The following ZNF70 variants were observed in gnomAD, a reference collection of about 807,000 sequenced individuals.
ZNF70 encodes zinc finger protein N27C7-1.
ZNF70 carries 18 observed loss-of-function variants against 37.7 expected under a neutral mutation model. That is an observed-to-expected ratio of 0.48 (90% CI 0.33 to 0.71). The LOEUF (loss-of-function observed/expected upper bound fraction) is 0.71, where lower values mean the gene tolerates loss of function less well. Among genes scored for constraint, ZNF70 ranks in the 30% least tolerant of loss-of-function variants. The probability of loss-of-function intolerance (pLI) is 0.02; values close to 1 mark genes in which losing one functional copy is unlikely to be tolerated. For synonymous variants in ZNF70, 219 were observed against 220.1 expected, an observed-to-expected ratio of 0.99 and a Z score of 0.05; for missense variants, 506 against 568.6, an observed-to-expected ratio of 0.89 and a Z score of 1.12.
Position 23,744,099 on chromosome 22 carries a change from T to A in ZNF70, c.1042A>T (p.Ser348Cys), listed in dbSNP as rs1252874199. Residue 348 changes from serine to cysteine, a missense_variant, in exon 2 of 2, where the codon AGC (serine) becomes TGC (cysteine). Transcript: ENST00000341976. ...CGCTGGTGCTCAATGAGGGAGGAGC[T>A]CTGGCTGAAGGCTTTCCCACACTTC... ...CQKCGKAFSQ[S>C]SSLIEHQRIH... 6.2e-7 allele frequency: 1 copy of A among 1,613,974 alleles called. No homozygotes were observed. The highest frequency in any genetic ancestry group is 1.7e-5 in the Admixed American group (1 of 59,988).
At position 23,744,649 on chromosome 22, in the gene ZNF70, C is replaced by T. The variant is rs981551023; in HGVS notation, c.492G>A (p.Gly164=). ...HLLRHLVIHT[G]EKPYECCECG... ...ACTCACAGCACTCATAGGGCTTCTC[C>T]CCAGTGTGGATCACCAGGTGTCGGA... Residue 164 remains glycine, a synonymous_variant, in exon 2 of 2, where the codon GGG becomes GGA. Coordinates refer to ENST00000341976, the MANE Select transcript of ZNF70 (RefSeq NM_021916.4). The T allele has an allele frequency of 1.2e-6, 2 of 1,613,530 alleles. No homozygotes were observed. Among genetic ancestry groups the T allele is most frequent in the Non-Finnish European group, 1.7e-6 (2 of 1,179,812 alleles).
At position 23,742,379 on chromosome 22, in the gene ZNF70, G is replaced by A. The variant is rs1435423504; in HGVS notation, c.*1421C>T. 1 of 152,296 alleles carries A rather than the reference G, an allele frequency of 6.6e-6. No homozygotes were observed. The highest frequency in any genetic ancestry group is 1.5e-5 in the Non-Finnish European group (1 of 68,090). 9.4% of individuals were successfully genotyped at this position (152,296 alleles called of 1,614,324 possible). A position where few individuals can be genotyped will look rare whatever the true frequency, so the allele number is the denominator to read the frequency against. ...CAGGTGGGACACAAGCAATGGTACT[G>A]TTTAAACAAGCCCCACGTGAACTCC... On this transcript the variant is annotated 3_prime_UTR_variant, in exon 2 of 2. Coordinates refer to ENST00000341976, the MANE Select transcript of ZNF70 (RefSeq NM_021916.4).
chr22:23,745,498 G>A (rs192330694), intron 1 of ZNF70, among the ~76,000 whole-genome samples: 137 of 152,084 alleles, frequency 9.0e-4, no homozygotes, highest in Non-Finnish European at 1.3e-4. Context: ...GGCTGGGTGC[G>A]GTGGCTCACA....
In ZNF70 at chr22:23,739,050, A is replaced by G. The variant is rs960153057; in HGVS notation, c.*4750T>C. 2 of 152,204 alleles carry G rather than the reference A, an allele frequency of 1.3e-5. No individual in the cohort carries two copies. The highest frequency in any genetic ancestry group is 4.8e-5 in the African/African-American group (2 of 41,452). 9.4% of individuals were successfully genotyped at this position (152,204 alleles called of 1,614,324 possible). On this transcript the variant is annotated 3_prime_UTR_variant, in exon 2 of 2. Transcript: ENST00000341976. ...CCCCAGATTAAGAACTCTAAAGTAA[A>G]TGAAAGTCAGAGAAAATATGGATTT... is the stretch of plus-strand genomic sequence containing the variant.
chr22:23,750,339 G>C (rs1925281841), intron 1 of ZNF70, among the ~76,000 whole-genome samples: 1 of 152,100 alleles, frequency 6.6e-6, no homozygotes, highest in African/African-American at 2.4e-5. Context: ...TTAAAACTCA[G>C]TAGGTTTCTG....
intron 1 of ZNF70, among the ~76,000 whole-genome samples, 185 bp downstream of exon 1, chr22:23,750,526 G>A (rs767300138): frequency 1.9e-4 from 28 of 151,348 alleles, no homozygotes; most frequent in Non-Finnish European, 3.7e-4. Flanking sequence ...CTCTTCCTCC[G>A]CCCACCCATT....
chr22:23,748,827 G>A (rs1170283562), intron 1 of ZNF70, among the ~76,000 whole-genome samples: 8 of 151,982 alleles, frequency 5.3e-5, no homozygotes, highest in Non-Finnish European at 1.2e-4. Context: ...TTACAGGTGT[G>A]AGCCACCACG....
Position 23,744,807 on chromosome 22 carries a change from G to A in ZNF70, c.334C>T (p.Pro112Ser). Residue 112 changes from proline (P) to serine (S), a missense_variant, in exon 2 of 2, where the codon CCC (proline) becomes TCC (serine). Physicochemically the swap from Pro to Ser is moderately conservative, Grantham distance 74. Transcript: ENST00000341976. ...GTTTCTGCACAATCGCATGGACTGGGCTCTTCACTGTGGATTATCTGACAC... is the reference window on the plus strand; with the variant it reads ...GTTTCTGCACAATCGCATGGACTGGACTCTTCACTGTGGATTATCTGACAC... ...SMCQIIHSEE[P>S]SPCDCAETDR... 1.2e-6 allele frequency: 2 copies of A among 1,614,208 alleles called. No homozygotes were observed. Among genetic ancestry groups the A allele is most frequent in the Middle Eastern group, 3.3e-4 (2 of 6,062 alleles).
rs1375931101 is a variant in ZNF70 at position 23,745,118 on chromosome 22, T to G, written c.23A>C (p.Lys8Thr). The change falls in exon 2 of 2, where the codon AAG becomes ACG. Residue 8 changes from lysine to threonine, a missense_variant. By Grantham distance (78) the Lys-to-Thr change is moderately conservative. Coordinates refer to ENST00000341976, the MANE Select transcript of ZNF70 (RefSeq NM_021916.4). MEVPPAT[K>T]FGETFAFENR... is the part of the protein sequence containing the mutation. ...CTCAAATGCAAAGGTCTCACCAAAC[T>G]TTGTTGCTGGGGGAACCTCCATTGT... is the stretch of plus-strand genomic sequence containing the variant. The G allele has an allele frequency of 6.2e-7, 1 of 1,612,314 alleles. No homozygotes were observed. Among genetic ancestry groups the G allele is most frequent in the Admixed American group, 1.7e-5 (1 of 59,912 alleles).
At chr22:23,747,042 G>C (rs1267083523) in intron 1 of ZNF70, among the ~76,000 whole-genome samples, 2 of 152,118 alleles carry the variant, frequency 1.3e-5, no homozygotes. Context: ...CCAGCCCCCA[G>C]CACAAAAGCA....
chr22:23,745,081 C>T lies in ZNF70; in HGVS notation c.60G>A (p.Glu20=). 2 of 1,614,230 alleles carry T rather than the reference C, an allele frequency of 1.2e-6. No homozygotes were observed. The highest frequency in any genetic ancestry group is 1.1e-5 in the South Asian group (1 of 91,080). ...CCCCTGGGAAAAGCCCTTGTTGTGA[C>T]TCTAACCTGTTCTCAAATGCAAAGG... ...GETFAFENRL[E]SQQGLFPGED... The change falls in exon 2 of 2, where the codon GAG becomes GAA. Residue 20 remains glutamate, a synonymous_variant. Coordinates refer to ENST00000341976, the MANE Select transcript of ZNF70 (RefSeq NM_021916.4).
At chr22:23,749,661 T>C (rs938419428) in intron 1 of ZNF70, among the ~76,000 whole-genome samples, 1 of 152,272 alleles carries the variant, frequency 6.6e-6, no homozygotes, top group East Asian at 1.9e-4. Flanking sequence ...CTCGAATTTC[T>C]GAGCTCATGC....
In ZNF70 at chr22:23,743,646, A is replaced by T; in HGVS notation, c.*154T>A. 1 of 1,141,340 alleles carries T rather than the reference A, an allele frequency of 8.8e-7. No homozygotes were observed. The highest frequency in any genetic ancestry group is 1.2e-6 in the Non-Finnish European group (1 of 807,324). The allele number at this position is 1,141,340 out of a possible 1,614,324, so 70.7% of individuals were successfully genotyped here. On this transcript the variant is annotated 3_prime_UTR_variant, in exon 2 of 2. Coordinates refer to ENST00000341976, the MANE Select transcript of ZNF70 (RefSeq NM_021916.4). Reference sequence around the variant, plus strand: ...GCTGGCGTGCTTGGCCCAGGGCCACACAGGGCCTTCCTGCTAGTGGGATGT... The same window carrying T: ...GCTGGCGTGCTTGGCCCAGGGCCACTCAGGGCCTTCCTGCTAGTGGGATGT...
rs906650227 is a variant in ZNF70 at position 23,741,659 on chromosome 22, T to G, written c.*2141A>C. 1 of 152,236 alleles carries G rather than the reference T, an allele frequency of 6.6e-6. No homozygotes were observed. Among genetic ancestry groups the G allele is most frequent in the East Asian group, 1.9e-4 (1 of 5,204 alleles). The allele number at this position is 152,236 out of a possible 1,614,324, so 9.4% of individuals were successfully genotyped here. On this transcript the variant is annotated 3_prime_UTR_variant, in exon 2 of 2. Transcript: ENST00000341976. ...GCTTCTGATCAGCTGAAATACCCAG[T>G]GTTACCATGATGAGTTCATGTTAGC...
rs1167234119 is a variant in ZNF70, at chr22:23,743,951, C to G, written c.1190G>C (p.Gly397Ala). The change falls in exon 2 of 2, where the codon GGC (glycine) becomes GCC (alanine). Residue 397 changes from glycine to alanine, a missense_variant. By Grantham distance (60) the Gly-to-Ala change is moderately conservative. Coordinates refer to ENST00000341976, the MANE Select transcript of ZNF70 (RefSeq NM_021916.4). Reference protein sequence around the residue: ...TGKKPYTCECGKAFRHRSALI... With the variant: ...TGKKPYTCECAKAFRHRSALI... ...GGCTGACCGGTGCCGGAAGGCTTTG[C>G]CACACTCGCAGGTGTAGGGCTTCTT... 6.2e-7 allele frequency: 1 copy of G among 1,613,526 alleles called. No homozygotes were observed. Among genetic ancestry groups the G allele is most frequent in the Admixed American group, 1.7e-5 (1 of 60,008 alleles).
Position 23,743,176 on chromosome 22 carries a change from T to C in ZNF70, c.*624A>G, listed in dbSNP as rs1004559369. ...AACTGCCCTAGGGCTAAGGAGAGGG[T>C]TAAGAGGCCACGCCCAGGGGCTCAC... On this transcript the variant is annotated 3_prime_UTR_variant, in exon 2 of 2. Coordinates refer to ENST00000341976, the MANE Select transcript of ZNF70 (RefSeq NM_021916.4). 1 of 153,304 alleles carries C rather than the reference T, an allele frequency of 6.5e-6. No individual in the cohort carries two copies. The highest frequency in any genetic ancestry group is 1.9e-4 in the East Asian group (1 of 5,184). 9.5% of individuals were successfully genotyped at this position (153,304 alleles called of 1,614,324 possible). A position where few individuals can be genotyped will look rare whatever the true frequency, so the allele number is the denominator to read the frequency against.
chr22:23,746,852 C>T (rs1196238828), intron 1 of ZNF70, among the ~76,000 whole-genome samples: 1 of 152,182 alleles, frequency 6.6e-6, no homozygotes, highest in Non-Finnish European at 1.5e-5. Flanking sequence ...CTAATTTGCA[C>T]TGCTGTTGTC....
rs919304121 is a variant in ZNF70, at chr22:23,745,219, T to A, written c.-79A>T. 6.8e-7 allele frequency: 1 copy of A among 1,481,292 alleles called. No homozygotes were observed. Among genetic ancestry groups the A allele is most frequent in the East Asian group, 2.3e-5 (1 of 43,934 alleles). The allele number at this position is 1,481,292 out of a possible 1,614,324, so 91.8% of individuals were successfully genotyped here. On this transcript the variant is annotated splice_region_variant and 5_prime_UTR_variant, in exon 2 of 2. Coordinates refer to ENST00000341976, the MANE Select transcript of ZNF70 (RefSeq NM_021916.4). ...TGGGCCACACTTACTGTTCTCACAA[T>A]CTGAAAAGAAAACAGGGAACTCTGT...
At position 23,744,951 on chromosome 22, in the gene ZNF70, C is replaced by T. The variant is rs760836380; in HGVS notation, c.190G>A (p.Glu64Lys). Residue 64 changes from glutamate (E) to lysine (K), a missense_variant, in exon 2 of 2, where the codon GAG (glutamate) becomes AAG (lysine). Coordinates refer to ENST00000341976, the MANE Select transcript of ZNF70 (RefSeq NM_021916.4). Reference protein sequence around the residue: ...GEQDEENDDYEGNFSLCSSPV... With the variant: ...GEQDEENDDYKGNFSLCSSPV... The stretch of plus-strand genomic sequence containing the variant: ...CTTGAGCACAAACTGAAATTCCCCT[C>T]GTAATCATCATTTTCTTCGTCCTGC... The T allele has an allele frequency of 3.7e-6, 6 of 1,614,168 alleles. No homozygotes were observed. Among genetic ancestry groups the T allele is most frequent in the Non-Finnish European group, 5.1e-6 (6 of 1,180,036 alleles).
Sources: allele counts gnomAD v4.1 joint callset (sites outside exome capture counted in the v4.1 genomes callset), GRCh38; gene constraint gnomAD v4.1.1; transcripts MANE v1.5; gene names NCBI Gene and HGNC (gene_info 2026-07-23, HGNC 2026-07-21).